GRM8: variants seen among roughly 807,000 people sequenced by gnomAD.
The protein encoded by GRM8 is metabotropic glutamate receptor 8.
Under a neutral mutation model 87.2 loss-of-function variants are expected in GRM8, and 47 were observed. That is an observed-to-expected ratio of 0.54 (90% CI 0.43 to 0.69). The LOEUF (loss-of-function observed/expected upper bound fraction) is 0.69. Among genes scored for constraint, GRM8 ranks in the 30% least tolerant of loss-of-function variants. GRM8 has a pLI of 0.00. For synonymous variants in GRM8, 396 were observed against 404.5 expected (o/e 0.98, Z 0.25); for missense variants, 1,019 against 1,139.2 (o/e 0.89, Z 1.52).
Position 126,929,928 on chromosome 7 carries a change from TG to T in GRM8, c.728-25246del, listed in dbSNP as rs553870578. ...GACCTAAGGGACAAATTCCCCTGTT[TG>T]GGAGATAATTAAATAATATTTGTAT... On this transcript the variant is annotated intron_variant, in intron 3 of 10. Transcript: ENST00000339582. 5.4e-5 allele frequency among the ~76,000 whole-genome samples: 8 copies of T among 149,066 alleles called. No homozygotes were observed. The East Asian group carries it at 1.6e-3, about 29-fold the overall frequency.
intron 9 of GRM8, among the ~76,000 whole-genome samples, chr7:126,462,120 G>A (rs1001479242): frequency 6.6e-6 from 1 of 151,542 alleles, no homozygotes; most frequent in Non-Finnish European, 1.5e-5. Flanking sequence ...GTTATGACTT[G>A]TTCCAAGTAT....
At chr7:127,051,560 A>G (rs1435158423) in intron 3 of GRM8, among the ~76,000 whole-genome samples, 1 of 152,014 alleles carries the variant, frequency 6.6e-6, no homozygotes, top group Non-Finnish European at 1.5e-5. Flanking sequence ...CAGTGCAAAA[A>G]CAACTATATA....
intron 6 of GRM8, among the ~76,000 whole-genome samples, chr7:126,865,568 T>TC (rs572916632): frequency 7.3e-4 from 111 of 152,268 alleles, no homozygotes; most frequent in African/African-American, 2.7e-3. Flanking sequence ...TACATACCAC[T>TC]CTTCAATCAT....
rs1203233247 is a variant in GRM8 at position 126,899,865 on chromosome 7, A to C, written c.1156+2677T>G. Among the ~76,000 whole-genome samples the C allele has an allele frequency of 3.3e-5, 5 of 150,824 alleles. No individual in the cohort carries two copies. The East Asian group carries it at 9.8e-4, about 30-fold the overall frequency. On this transcript the variant is annotated intron_variant, in intron 6 of 10. Transcript: ENST00000339582. ...TTCTTGAAACAGCATCCTTTCCTCCACTTCTATTCTGTTCTCTCTCAACCC... is the reference window on the plus strand; with the variant it reads ...TTCTTGAAACAGCATCCTTTCCTCCCCTTCTATTCTGTTCTCTCTCAACCC...
At chr7:126,818,624 A>G (rs1446194039) in intron 6 of GRM8, among the ~76,000 whole-genome samples, 1 of 152,218 alleles carries the variant, frequency 6.6e-6, no homozygotes, top group African/African-American at 2.4e-5. Context: ...TGAGTCATAC[A>G]TTTAAAATTT....
At chr7:127,211,751 G>A (rs1312602676) in intron 2 of GRM8, among the ~76,000 whole-genome samples, 2 of 152,174 alleles carry the variant, frequency 1.3e-5, no homozygotes, top group Non-Finnish European at 2.9e-5. Context: ...ACCATCTGTG[G>A]AGCAGAGGGC....
At chr7:126,912,229 A>G (rs1803388305) in intron 3 of GRM8, among the ~76,000 whole-genome samples, 2 of 152,136 alleles carry the variant, frequency 1.3e-5, no homozygotes, top group South Asian at 4.2e-4. Context: ...AAACAAACAA[A>G]CAAATAGAGA....
At chr7:127,226,860 C>T (rs552614773) in intron 2 of GRM8, among the ~76,000 whole-genome samples, 23 of 152,280 alleles carry the variant, frequency 1.5e-4, no homozygotes, top group African/African-American at 4.3e-4. Context: ...GTGTTTCTAC[C>T]GGCTTGCACG....
chr7:126,924,118 G>T (rs562992743), intron 3 of GRM8, among the ~76,000 whole-genome samples: 1 of 152,222 alleles, frequency 6.6e-6, no homozygotes, highest in South Asian at 2.1e-4. Flanking sequence ...CTTGCTCCTC[G>T]TCATTTACAC....
chr7:126,629,070 A>T (rs1800984739), intron 7 of GRM8, among the ~76,000 whole-genome samples: 1 of 152,230 alleles, frequency 6.6e-6, no homozygotes, highest in South Asian at 2.1e-4. Context: ...CAATTCTTTA[A>T]CTTTCGTGTA....
intron 3 of GRM8, among the ~76,000 whole-genome samples, chr7:127,093,978 T>C (rs1298868846): frequency 1.3e-5 from 2 of 152,238 alleles, no homozygotes; most frequent in African/African-American, 4.8e-5. Context: ...TATTATATTA[T>C]GAAGCCATTT....
intron 3 of GRM8, among the ~76,000 whole-genome samples, chr7:127,005,431 A>C (rs1814187306): frequency 6.6e-6 from 1 of 151,676 alleles, no homozygotes. Context: ...TTAGGGTAGA[A>C]GTACTAAAAA....
chr7:126,626,292 T>C (rs17611405), intron 7 of GRM8, among the ~76,000 whole-genome samples: 48,647 of 152,014 alleles, frequency 0.32, 8,400 homozygotes, highest in East Asian at 0.43. Context: ...TGTATAAGAA[T>C]CTCTTTTGTA....
At chr7:127,042,607 T>C (rs916216422) in intron 3 of GRM8, among the ~76,000 whole-genome samples, 30 of 152,302 alleles carry the variant, frequency 2.0e-4, no homozygotes, top group African/African-American at 6.5e-4. Flanking sequence ...TATACAAAAA[T>C]TAATTCAAGA....
chr7:126,723,159 C>T (rs1159300274), intron 7 of GRM8, among the ~76,000 whole-genome samples: 1 of 151,590 alleles, frequency 6.6e-6, no homozygotes, highest in Non-Finnish European at 1.5e-5. Context: ...GTAATAACGC[C>T]CCTTTCTCTG....
chr7:126,616,916 G>C (rs1799561911), intron 7 of GRM8, among the ~76,000 whole-genome samples: 1 of 152,176 alleles, frequency 6.6e-6, no homozygotes, highest in South Asian at 2.1e-4. Context: ...TCCAGGACCA[G>C]ACGGATTCAG....
intron 6 of GRM8, among the ~76,000 whole-genome samples, chr7:126,819,693 G>T (rs545349168): frequency 6.6e-6 from 1 of 151,726 alleles, no homozygotes; most frequent in Non-Finnish European, 1.5e-5. Context: ...ACCTTAGCTC[G>T]TTCAATACAA....
intron 6 of GRM8, among the ~76,000 whole-genome samples, chr7:126,842,098 A>C (rs1796319559): frequency 6.6e-6 from 1 of 152,200 alleles, no homozygotes; most frequent in Non-Finnish European, 1.5e-5. Context: ...TTTGAAGAAA[A>C]AATTTAAATA....
intron 7 of GRM8, among the ~76,000 whole-genome samples, chr7:126,630,139 A>G (rs1452127639): frequency 2.0e-5 from 3 of 151,972 alleles, no homozygotes; most frequent in Admixed American, 1.3e-4. Context: ...CAAATAAGAA[A>G]AAAACAATAG....
Sources: allele counts gnomAD v4.1 joint callset (sites outside exome capture counted in the v4.1 genomes callset), GRCh38; gene constraint gnomAD v4.1.1; transcripts MANE v1.5; gene names NCBI Gene and HGNC (gene_info 2026-07-23, HGNC 2026-07-21).